Variants in DOCK10 observed in about 807,000 individuals in gnomAD.
DOCK10 encodes dedicator of cytokinesis protein 10.
DOCK10 carries 145 observed loss-of-function variants against 280.1 expected under a neutral mutation model. The ratio of observed to expected loss-of-function variants is 0.52; its 90% CI spans 0.45 to 0.59. DOCK10 has a LOEUF of 0.59. Ranked by LOEUF, DOCK10 falls within the 20% of genes least tolerant of loss-of-function variation. The pLI, the probability that DOCK10 is intolerant of heterozygous loss-of-function variation, is 0.00. For synonymous variants in DOCK10, 915 were observed against 942.2 expected (o/e 0.97, Z 0.53); for missense variants, 2,368 against 2,651.7 (o/e 0.89, Z 2.35).
At chr2:224,911,047 A>G (rs977682872) in intron 3 of DOCK10, among the ~76,000 whole-genome samples, 7 of 152,056 alleles carry the variant, frequency 4.6e-5, no homozygotes, top group Non-Finnish European at 8.8e-5. Flanking sequence ...ATGTTGCCCA[A>G]GAGAGTTGAA....
chr2:225,023,634 A>C (rs777584854), intron 1 of DOCK10, among the ~76,000 whole-genome samples: 1 of 152,178 alleles, frequency 6.6e-6, no homozygotes, highest in Non-Finnish European at 1.5e-5. Flanking sequence ...GTCTCTGCAC[A>C]ACAAGCTGGC....
intron 2 of DOCK10, 119 bp from the exon 3 acceptor site, chr2:224,916,903 C>G (rs970739501): frequency 1.5e-5 from 11 of 722,370 alleles, no homozygotes; most frequent in Non-Finnish European, 2.6e-5. Flanking sequence ...TAACAGAAGA[C>G]AGAGACACTT....
intron 1 of DOCK10, among the ~76,000 whole-genome samples, chr2:224,994,827 T>C (rs1226245541): frequency 1.3e-5 from 2 of 152,222 alleles, no homozygotes; most frequent in African/African-American, 2.4e-5. Context: ...TGTTATCTAT[T>C]GTTGAAGAAC....
chr2:225,027,988 G>A (rs1226970243), intron 1 of DOCK10, among the ~76,000 whole-genome samples: 1 of 152,232 alleles, frequency 6.6e-6, no homozygotes, highest in Non-Finnish European at 1.5e-5. Flanking sequence ...TCAGAAAGCA[G>A]TGCCTCGGGA....
chr2:225,032,314 G>C (rs2106127102), intron 1 of DOCK10, among the ~76,000 whole-genome samples: 1 of 152,196 alleles, frequency 6.6e-6, no homozygotes, highest in Middle Eastern at 3.4e-3. Context: ...TTTTCAAATT[G>C]ATTGGACAGA....
chr2:224,927,855 A>G (rs992392650), intron 2 of DOCK10, among the ~76,000 whole-genome samples: 2 of 152,122 alleles, frequency 1.3e-5, no homozygotes, highest in Non-Finnish European at 2.9e-5. Flanking sequence ...ACGTGGAAAC[A>G]TACAAGTGAG....
intron 2 of DOCK10, among the ~76,000 whole-genome samples, chr2:224,927,595 T>C (rs1386056195): frequency 6.6e-6 from 1 of 152,162 alleles, no homozygotes; most frequent in Non-Finnish European, 1.5e-5. Flanking sequence ...AAGTAATCTT[T>C]CTCGTGTACC....
At chr2:224,782,879 C>A (rs142875216) in intron 50 of DOCK10, among the ~76,000 whole-genome samples, 101 of 152,278 alleles carry the variant, frequency 6.6e-4, no homozygotes, top group Middle Eastern at 3.4e-3. Flanking sequence ...CATAAAGCAC[C>A]ATTATGAATA....
intron 7 of DOCK10, among the ~76,000 whole-genome samples, chr2:224,882,184 A>G (rs748549767): frequency 1.3e-5 from 2 of 152,226 alleles, no homozygotes; most frequent in Non-Finnish European, 2.9e-5. Flanking sequence ...AGAACCTGGA[A>G]TGAATGGATG....
intron 2 of DOCK10, among the ~76,000 whole-genome samples, chr2:224,930,975 T>C (rs1702330143): frequency 6.6e-6 from 1 of 152,236 alleles, no homozygotes; most frequent in African/African-American, 2.4e-5. Context: ...TTTCATTCAT[T>C]ATCTCTACTA....
rs936251468 is a variant in DOCK10, at chr2:224,871,405, C to T, written c.1257+2591G>A. 3.3e-5 allele frequency among the ~76,000 whole-genome samples: 5 copies of T among 152,262 alleles called. No individual in the cohort carries two copies. In the East Asian group the frequency reaches 9.7e-4, roughly 29 times the overall value. ...AAACACCAGTCCAATCCACCCATTT[C>T]TCTCCTTCTCCCTTGCCAGCCCTTG... On this transcript the variant is annotated intron_variant, in intron 11 of 55. Coordinates refer to ENST00000258390, the MANE Select transcript of DOCK10 (RefSeq NM_014689.3).
chr2:224,800,073 AC>A (rs1692872578), intron 41 of DOCK10, 77 bp downstream of exon 41: 8 of 802,658 alleles, frequency 1.0e-5, no homozygotes, highest in Non-Finnish European at 1.2e-5. Flanking sequence ...ATTAAAAAAA[AC>A]CATGTTTTTG....
chr2:224,894,557 C>A (rs1019591418), intron 4 of DOCK10, among the ~76,000 whole-genome samples: 1 of 152,168 alleles, frequency 6.6e-6, no homozygotes, highest in African/African-American at 2.4e-5. Flanking sequence ...GTTGTGCCTA[C>A]AAAAACTGTG....
chr2:225,010,153 C>T (rs563361158), intron 1 of DOCK10, among the ~76,000 whole-genome samples: 31 of 152,204 alleles, frequency 2.0e-4, no homozygotes, highest in African/African-American at 6.3e-4. Context: ...CAGCTCTTTT[C>T]CTTAAATCTC....
At chr2:225,031,735 C>A (rs1484455169) in intron 1 of DOCK10, among the ~76,000 whole-genome samples, 1 of 152,168 alleles carries the variant, frequency 6.6e-6, no homozygotes, top group Non-Finnish European at 1.5e-5. Context: ...GAGACTGCAA[C>A]TACAAACATT....
In DOCK10 at chr2:224,805,481, G is replaced by A; in HGVS notation, c.3863C>T (p.Ala1288Val). Residue 1288 changes from alanine (A) to valine (V), a missense_variant, in exon 35 of 56, where the codon GCA (alanine) becomes GTA (valine). By Grantham distance (64) the Ala-to-Val change is moderately conservative. Around this residue, in one of 2 missense-constraint regions of DOCK10, gnomAD observed 1,159 missense variants for 1,400.8 expected, o/e 0.83. Coordinates refer to ENST00000258390, the MANE Select transcript of DOCK10 (RefSeq NM_014689.3). The surrounding 1 kb of genome is among the most constrained non-coding windows in gnomAD (Gnocchi z 4.3). Reference protein sequence around the residue: ...ISTVNHADSRASLASLDSNPS... With the variant: ...ISTVNHADSRVSLASLDSNPS... ...ATTGGAGTCAAGACTTGCTAAAGAT[G>A]CTCTGGAGTCAGCATGGTTTACTGT... The A allele has an allele frequency of 6.2e-7, 1 of 1,612,678 alleles. No individual in the cohort carries two copies. The highest frequency in any genetic ancestry group is 8.5e-7 in the Non-Finnish European group (1 of 1,179,104).
intron 18 of DOCK10, among the ~76,000 whole-genome samples, chr2:224,850,909 T>C (rs1240307233): frequency 2.0e-5 from 3 of 152,198 alleles, no homozygotes; most frequent in Non-Finnish European, 4.4e-5. Context: ...ATCTCTTTTC[T>C]TTATAAATTA....
chr2:224,810,349 G>A (rs1693678391), intron 31 of DOCK10, among the ~76,000 whole-genome samples: 1 of 152,152 alleles, frequency 6.6e-6, no homozygotes, highest in Non-Finnish European at 1.5e-5. Flanking sequence ...TGGGAGAAAT[G>A]GGAGGTGGAT....
chr2:224,771,251 G>GT (rs1480193721), intron 53 of DOCK10, among the ~76,000 whole-genome samples: 1 of 152,206 alleles, frequency 6.6e-6, no homozygotes, highest in Non-Finnish European at 1.5e-5. Context: ...GGAATCTGCT[G>GT]TTTTCTTAAC....
Sources: gnomAD v4.1 joint callset for allele counts (sites outside exome capture counted in the v4.1 genomes callset) on GRCh38, gnomAD v4.1.1 for gene constraint, gnomAD v4.1.1 regional missense constraint, Gnocchi (gnomAD v3.1) non-coding constraint, MANE v1.5 for transcripts, NCBI Gene and HGNC (gene_info 2026-07-23, HGNC 2026-07-21) for gene names.